Variants in SHROOM4 observed in about 807,000 individuals in gnomAD.
SHROOM4 encodes protein Shroom4.
In SHROOM4, 17 loss-of-function variants were observed where a neutral mutation model predicts 80.3. That is an observed-to-expected ratio of 0.21 (90% CI 0.14 to 0.32). The LOEUF is 0.32. Among genes scored for constraint, SHROOM4 ranks in the 10% least tolerant of loss-of-function variants. The pLI is 1.00. For synonymous variants in SHROOM4, 400 were observed against 437.5 expected (o/e 0.91, Z 1.07); for missense variants, 993 against 1,140.3 (o/e 0.87, Z 1.86).
chrX:50,688,194 TATC>T (rs1933126961), intron 2 of SHROOM4, among the ~76,000 whole-genome samples: 1 of 111,316 alleles, frequency 9.0e-6, no homozygotes, highest in Non-Finnish European at 1.9e-5. Flanking sequence ...TAATTTCACA[TATC>T]ATGAAATACG....
chrX:50,794,647 T>TACACACACAC (rs55726150), intron 1 of SHROOM4, among the ~76,000 whole-genome samples: 1,830 of 97,180 alleles, frequency 0.019, 24 homozygotes, highest in Middle Eastern at 0.048. Flanking sequence ...CACACACACA[T>TACACACACAC]ACACACACAC....
At chrX:50,760,476 T>C (rs782388757) in intron 1 of SHROOM4, among the ~76,000 whole-genome samples, 66 of 109,163 alleles carry the variant, frequency 6.0e-4, no homozygotes, top group African/African-American at 2.1e-3. Context: ...TAGCTGGGAC[T>C]ACAGGTACCC....
At chrX:50,684,738 AAGG>A (rs1161190321) in intron 2 of SHROOM4, among the ~76,000 whole-genome samples, 14 of 111,992 alleles carry the variant, frequency 1.3e-4, no homozygotes, top group African/African-American at 3.9e-4. Context: ...GTGGAAATTA[AAGG>A]AGCAAGATTT....
At chrX:50,714,210 T>A (rs1399719302) in intron 1 of SHROOM4, among the ~76,000 whole-genome samples, 1 of 112,092 alleles carries the variant, frequency 8.9e-6, no homozygotes, top group Non-Finnish European at 1.9e-5. Context: ...GACAGCATGC[T>A]GTTTTGTAAT....
chrX:50,803,402 A>G (rs1382861428), intron 1 of SHROOM4, among the ~76,000 whole-genome samples: 1 of 112,225 alleles, frequency 8.9e-6, no homozygotes, highest in East Asian at 2.8e-4. Flanking sequence ...AACAAACACT[A>G]CATGCTCTGC....
intron 1 of SHROOM4, among the ~76,000 whole-genome samples, chrX:50,778,132 T>C (rs1298400093): frequency 1.8e-5 from 2 of 111,944 alleles, no homozygotes; most frequent in African/African-American, 6.5e-5. Context: ...CCCTCCACAA[T>C]GTATCAAGAA....
intron 1 of SHROOM4, among the ~76,000 whole-genome samples, chrX:50,698,986 T>C (rs1200207900): frequency 1.8e-5 from 2 of 112,304 alleles, no homozygotes; most frequent in African/African-American, 6.5e-5. Context: ...CATACCTTGT[T>C]TGAGGGGCTG....
chrX:50,598,661 C>A, intron 7 of SHROOM4, 126 bp from the exon 8 acceptor site: 1 of 874,766 alleles, frequency 1.1e-6, no homozygotes, highest in Non-Finnish European at 1.6e-6. Flanking sequence ...TCACTGGAAA[C>A]AAAGGAAACT....
chrX:50,792,264 C>T (rs995982953), intron 1 of SHROOM4, among the ~76,000 whole-genome samples: 1 of 111,588 alleles, frequency 9.0e-6, no homozygotes, highest in Non-Finnish European at 1.9e-5. Context: ...TTTGGGAGGC[C>T]GAGGCTGGTG....
intron 5 of SHROOM4, among the ~76,000 whole-genome samples, chrX:50,619,494 T>C (rs1427039321): frequency 1.2e-5 from 1 of 86,840 alleles, no homozygotes; most frequent in Non-Finnish European, 2.3e-5. Context: ...CCACCCCTGC[T>C]TGCCCCCGGG....
rs1200229340 is a variant in SHROOM4, at chrX:50,594,375, C to T, written c.*2320G>A. 8.9e-6 allele frequency: 1 copy of T among 112,311 alleles called. No individual in the cohort carries two copies. The highest frequency in any genetic ancestry group is 4.2e-3 in the Middle Eastern group (1 of 237). 9.3% of individuals were successfully genotyped at this position (112,311 alleles called of 1,213,427 possible). A position where few individuals can be genotyped will look rare whatever the true frequency, so the allele number is the denominator to read the frequency against. On this transcript the variant is annotated 3_prime_UTR_variant, in exon 9 of 9. Transcript: ENST00000376020. ...TTAAATGCTTTGGCAACTTTCCCTC[C>T]ATGTGAAAATGAGCATCCTTGTGTT...
chrX:50,743,794 G>C (rs935723669), intron 1 of SHROOM4, among the ~76,000 whole-genome samples: 2 of 111,817 alleles, frequency 1.8e-5, no homozygotes, highest in African/African-American at 3.3e-5. Flanking sequence ...TCATAAGGCA[G>C]GTGCTAGCAA....
intron 4 of SHROOM4, among the ~76,000 whole-genome samples, chrX:50,631,757 T>A (rs1557254159): frequency 1.8e-5 from 2 of 111,901 alleles, no homozygotes. Flanking sequence ...AAAATAATAC[T>A]CTTTATAATA....
chrX:50,607,295 T>C, intron 6 of SHROOM4, 86 bp downstream of exon 6: 1 of 1,057,927 alleles, frequency 9.5e-7, no homozygotes, highest in Non-Finnish European at 1.3e-6. Flanking sequence ...CAGCCTGAGG[T>C]CATCCAGTTA....
In SHROOM4 at chrX:50,623,663, C is replaced by T. The variant is rs181004726; in HGVS notation, c.2957+3951G>A. ...AAATTACCATTTGGCCCAGCAATTTCACTCTTAAATATGTACCAAAGATAA... is the reference window on the plus strand; with the variant it reads ...AAATTACCATTTGGCCCAGCAATTTTACTCTTAAATATGTACCAAAGATAA... On this transcript the variant is annotated intron_variant, in intron 5 of 8. Transcript: ENST00000376020. Among the ~76,000 whole-genome samples, 10 of 111,576 alleles carry T rather than the reference C, an allele frequency of 9.0e-5. No individual in the cohort carries two copies. In the East Asian group the frequency reaches 2.8e-3, roughly 31 times the overall value.
chrX:50,786,437 C>T lies in SHROOM4; in HGVS notation c.117+27465G>A, dbSNP rs781904381. On this transcript the variant is annotated intron_variant, in intron 1 of 8. Coordinates refer to ENST00000376020, the MANE Select transcript of SHROOM4 (RefSeq NM_020717.5). ...AGGAAAGGAGTTGGACCACGTGTCC[C>T]GTGCTCCAACCTTTTTTGTGGGGGA... Among the ~76,000 whole-genome samples the T allele has an allele frequency of 7.1e-5, 8 of 111,907 alleles. No homozygotes were observed. In the South Asian group the frequency reaches 2.6e-3, roughly 37 times the overall value.
chrX:50,609,761 T>C (rs978541120), intron 5 of SHROOM4, among the ~76,000 whole-genome samples: 3 of 109,532 alleles, frequency 2.7e-5, no homozygotes, highest in African/African-American at 6.6e-5. Context: ...ATATATAACA[T>C]AAGAAAAACC....
Position 50,717,488 on chromosome X carries a change from T to G in SHROOM4, c.118-21551A>C, listed in dbSNP as rs782687782. On this transcript the variant is annotated intron_variant, in intron 1 of 8. Transcript: ENST00000376020. The stretch of plus-strand genomic sequence containing the variant: ...TGCCCACCTCGGCATCCCAAAGTGC[T>G]GGGATTACAGGGGTGAACCACCATA... 4.8e-4 allele frequency among the ~76,000 whole-genome samples: 54 copies of G among 112,408 alleles called. 1 individual carries two copies. Among genetic ancestry groups the G allele is most frequent in the Non-Finnish European group, 4.7e-4 (25 of 53,320 alleles).
At chrX:50,671,364 G>A (rs782074651) in intron 2 of SHROOM4, among the ~76,000 whole-genome samples, 9 of 111,915 alleles carry the variant, frequency 8.0e-5, no homozygotes, top group Non-Finnish European at 1.1e-4. Context: ...CTGAATTCTC[G>A]TTTTTAGCTA....
Sources: allele counts gnomAD v4.1 joint callset (sites outside exome capture counted in the v4.1 genomes callset), GRCh38; gene constraint gnomAD v4.1.1; transcripts MANE v1.5; gene names NCBI Gene and HGNC (gene_info 2026-07-23, HGNC 2026-07-21).